Variants in LRRC8B observed in about 807,000 individuals in gnomAD.
LRRC8B encodes volume-regulated anion channel subunit LRRC8B.
A neutral mutation model predicts 58.8 loss-of-function variants in LRRC8B; 23 were observed. The observed-to-expected ratio is 0.39, with a 90% confidence interval of 0.28 to 0.55. The LOEUF is 0.55. Among genes scored for constraint, LRRC8B ranks in the 20% least tolerant of loss-of-function variants. The pLI is 0.62. For missense variants in LRRC8B, 694 were observed against 936.0 expected, an observed-to-expected ratio of 0.74 and a Z score of 3.37; for synonymous variants, 359 against 374.1, an observed-to-expected ratio of 0.96 and a Z score of 0.47.
Position 89,597,007 on chromosome 1 carries a change from T to C in LRRC8B, c.*3964T>C, listed in dbSNP as rs1655336110. ...TTATTTTGCATCCTAGTTTGTATTA[T>C]GAAGTCATCATATATATATTTGAAA... On this transcript the variant is annotated 3_prime_UTR_variant, in exon 6 of 6. Transcript: ENST00000330947. 6.6e-6 allele frequency: 1 copy of C among 152,204 alleles called. No homozygotes were observed. Among genetic ancestry groups the C allele is most frequent in the South Asian group, 2.1e-4 (1 of 4,826 alleles). The allele number at this position is 152,204 out of a possible 1,614,324, so 9.4% of individuals were successfully genotyped here. A position where few individuals can be genotyped will look rare whatever the true frequency, so the allele number is the denominator to read the frequency against.
Position 89,592,904 on chromosome 1 carries a change from A to G in LRRC8B, c.2273A>G (p.Asn758Ser). 1.9e-6 allele frequency: 3 copies of G among 1,614,114 alleles called. No homozygotes were observed. Among genetic ancestry groups the G allele is most frequent in the Non-Finnish European group, 2.5e-6 (3 of 1,180,020 alleles). The change falls in exon 6 of 6, where the codon AAT (asparagine) becomes AGT (serine). Residue 758 changes from asparagine (N) to serine (S), a missense_variant. Physicochemically the swap from Asn to Ser is conservative, Grantham distance 46. Coordinates refer to ENST00000330947, the MANE Select transcript of LRRC8B (RefSeq NM_001369817.2). ...SNLTHLELIG[N>S]YLETLPPELE... ...CTTACTCATCTGGAGCTCATTGGTA[A>G]TTACCTGGAAACACTTCCTCCTGAA...
At chr1:89,528,311 A>G (rs1649855436) in intron 1 of LRRC8B, among the ~76,000 whole-genome samples, 1 of 152,166 alleles carries the variant, frequency 6.6e-6, no homozygotes, top group Non-Finnish European at 1.5e-5. Context: ...TCTCATGGAG[A>G]CCACATTCTT....
At chr1:89,569,993 T>C (rs976024418) in intron 3 of LRRC8B, among the ~76,000 whole-genome samples, 1 of 152,182 alleles carries the variant, frequency 6.6e-6, no homozygotes, top group African/African-American at 2.4e-5. Flanking sequence ...GTTCCTGCAT[T>C]AGTTTGCTAA....
chr1:89,595,566 T>C lies in LRRC8B; in HGVS notation c.*2523T>C, dbSNP rs1655241863. ...TTTCTAGAAGAATTTACTAGCAGGA[T>C]TAATAATGAATATTATAAACTGCTT... On this transcript the variant is annotated 3_prime_UTR_variant, in exon 6 of 6. Coordinates refer to ENST00000330947, the MANE Select transcript of LRRC8B (RefSeq NM_001369817.2). The C allele has an allele frequency of 1.3e-5, 2 of 152,142 alleles. No homozygotes were observed. The highest frequency in any genetic ancestry group is 1.3e-4 in the Admixed American group (2 of 15,274). 9.4% of individuals were successfully genotyped at this position (152,142 alleles called of 1,614,324 possible).
intron 5 of LRRC8B, among the ~76,000 whole-genome samples, chr1:89,589,477 A>AT (rs774446729): frequency 8.5e-5 from 13 of 152,094 alleles, no homozygotes; most frequent in Non-Finnish European, 1.6e-4. Flanking sequence ...AGCACAAGGC[A>AT]TGGGAAAGGA....
At chr1:89,544,056 A>G (rs1408291472) in intron 1 of LRRC8B, among the ~76,000 whole-genome samples, 2 of 152,230 alleles carry the variant, frequency 1.3e-5, no homozygotes, top group Admixed American at 6.5e-5. Context: ...TTGGCCTCCC[A>G]AAGTGCTGAG....
intron 5 of LRRC8B, among the ~76,000 whole-genome samples, chr1:89,587,584 G>T (rs1399411286): frequency 1.3e-5 from 2 of 152,150 alleles, no homozygotes; most frequent in African/African-American, 2.4e-5. Context: ...AGTTAGACAT[G>T]CATATACAAA....
intron 5 of LRRC8B, among the ~76,000 whole-genome samples, chr1:89,591,830 T>G (rs1226162831): frequency 2.6e-5 from 4 of 152,112 alleles, no homozygotes; most frequent in Admixed American, 2.6e-4. Context: ...GAACCTACAT[T>G]ATTTCATAGT....
chr1:89,526,254 G>A (rs186653444), intron 1 of LRRC8B, among the ~76,000 whole-genome samples: 1,781 of 152,266 alleles, frequency 0.012, 22 homozygotes, highest in Non-Finnish European at 0.019. Context: ...TCACTCTGTC[G>A]CCCAGGCTGG....
At position 89,594,730 on chromosome 1, in the gene LRRC8B, TAATG is replaced by T. The variant is rs1432578179; in HGVS notation, c.*1691_*1694del. 6.6e-6 allele frequency: 1 copy of T among 152,202 alleles called. No individual in the cohort carries two copies. Among genetic ancestry groups the T allele is most frequent in the Non-Finnish European group, 1.5e-5 (1 of 68,018 alleles). 9.4% of individuals were successfully genotyped at this position (152,202 alleles called of 1,614,324 possible). Reference sequence around the variant, plus strand: ...CTTGGCCTTTTATTATGCATATTTTTAATGAATAAAATCAACTGACTCATTTTTG... The same window carrying T: ...CTTGGCCTTTTATTATGCATATTTTTAATAAAATCAACTGACTCATTTTTG... On this transcript the variant is annotated 3_prime_UTR_variant, in exon 6 of 6. Coordinates refer to ENST00000330947, the MANE Select transcript of LRRC8B (RefSeq NM_001369817.2).
At chr1:89,575,679 A>G (rs1653790031) in intron 3 of LRRC8B, among the ~76,000 whole-genome samples, 1 of 144,962 alleles carries the variant, frequency 6.9e-6, no homozygotes, top group Admixed American at 7.3e-5. Flanking sequence ...TTGAATGGTT[A>G]GGGGATCTTT....
intron 1 of LRRC8B, among the ~76,000 whole-genome samples, chr1:89,535,353 C>T (rs905343814): frequency 6.6e-6 from 1 of 152,036 alleles, no homozygotes; most frequent in African/African-American, 2.4e-5. Context: ...CAGGGATATC[C>T]GATAGGGAAA....
intron 1 of LRRC8B, among the ~76,000 whole-genome samples, chr1:89,557,029 T>C (rs1652243880): frequency 6.6e-6 from 1 of 152,196 alleles, no homozygotes; most frequent in South Asian, 2.1e-4. Context: ...GCGCATTCTG[T>C]TTTTGTCTTT....
chr1:89,585,604 C>T (rs1398509530), intron 5 of LRRC8B, among the ~76,000 whole-genome samples: 2 of 152,094 alleles, frequency 1.3e-5, no homozygotes, highest in African/African-American at 4.8e-5. Flanking sequence ...TGACATTCCT[C>T]TACTTGAAAA....
rs528297740 is a variant in LRRC8B, at chr1:89,578,815, A to G, written c.-124-776A>G. Among the ~76,000 whole-genome samples the G allele has an allele frequency of 4.6e-5, 7 of 152,330 alleles. No individual in the cohort carries two copies. In the East Asian group the frequency reaches 1.3e-3, roughly 29 times the overall value. On this transcript the variant is annotated intron_variant, in intron 3 of 5. Coordinates refer to ENST00000330947, the MANE Select transcript of LRRC8B (RefSeq NM_001369817.2). ...AATTAAAAACAAATTCTAGCATTTT[A>G]CAATTTTCTCACAGTTCAAATTATC...
At chr1:89,592,257 A>AT in intron 5 of LRRC8B, among the ~76,000 whole-genome samples, 1 of 152,050 alleles carries the variant, frequency 6.6e-6, no homozygotes, top group East Asian at 1.9e-4. Flanking sequence ...ATATAATCAT[A>AT]TTTTTTTGCT....
At chr1:89,592,673 G>A in intron 5 of LRRC8B, 98 bp from the exon 6 acceptor site, 1 of 1,045,670 alleles carries the variant, frequency 9.6e-7, no homozygotes, top group Admixed American at 2.4e-5. Flanking sequence ...TAAACCTCCA[G>A]AAATGTTTTG....
chr1:89,566,686 A>G (rs1397409782), intron 1 of LRRC8B, among the ~76,000 whole-genome samples: 2 of 152,240 alleles, frequency 1.3e-5, no homozygotes, highest in Non-Finnish European at 2.9e-5. Context: ...GTGCACTACA[A>G]AAAAGTTTGT....
chr1:89,584,903 C>T (rs1053235968), intron 5 of LRRC8B, 114 bp downstream of exon 5: 9 of 707,696 alleles, frequency 1.3e-5, no homozygotes, highest in African/African-American at 1.1e-4. Context: ...AAGCCCAATC[C>T]GATCTTGCAT....
Sources: gnomAD v4.1 joint callset for allele counts (sites outside exome capture counted in the v4.1 genomes callset) on GRCh38, gnomAD v4.1.1 for gene constraint, MANE v1.5 for transcripts, NCBI Gene and HGNC (gene_info 2026-07-23, HGNC 2026-07-21) for gene names.